AMPH: variants seen among roughly 807,000 people sequenced by gnomAD.
AMPH encodes amphiphysin.
Under a neutral mutation model 99.1 loss-of-function variants are expected in AMPH, and 49 were observed. That is an observed-to-expected ratio of 0.49 (90% CI 0.39 to 0.63). The LOEUF is 0.63. Ranked by LOEUF, AMPH falls within the 20% of genes least tolerant of loss-of-function variation. The pLI, the probability that AMPH is intolerant of heterozygous loss-of-function variation, is 0.00. For missense variants in AMPH, 759 were observed against 863.4 expected (o/e 0.88, Z 1.52); for synonymous variants, 314 against 317.3 (o/e 0.99, Z 0.11).
At chr7:38,398,598 A>G (rs369691615) in intron 17 of AMPH, among the ~76,000 whole-genome samples, 5 of 152,348 alleles carry the variant, frequency 3.3e-5, no homozygotes, top group African/African-American at 9.6e-5. Flanking sequence ...CAATAATTAG[A>G]AAGAATAAAT....
chr7:38,571,202 T>G (rs1178142724), intron 1 of AMPH, among the ~76,000 whole-genome samples: 1 of 97,178 alleles, frequency 1.0e-5, no homozygotes, highest in African/African-American at 4.3e-5. Flanking sequence ...TATTTATATA[T>G]AATTATTTAT....
intron 16 of AMPH, among the ~76,000 whole-genome samples, chr7:38,421,900 G>A (rs1785592276): frequency 6.6e-6 from 1 of 152,136 alleles, no homozygotes. Context: ...CTAACGCCAG[G>A]AGTAACTATT....
intron 17 of AMPH, among the ~76,000 whole-genome samples, chr7:38,401,534 G>C (rs1784840375): frequency 6.6e-6 from 1 of 152,144 alleles, no homozygotes. Context: ...ATGTCTTTCT[G>C]CTGCTTTCCT....
At chr7:38,464,231 G>T in intron 9 of AMPH, 1 of 832,594 alleles carries the variant, frequency 1.2e-6, no homozygotes, top group Non-Finnish European at 1.7e-6. Context: ...CCATGTAAGG[G>T]AACAACCCTA....
chr7:38,544,679 C>T (rs1790930516), intron 1 of AMPH, among the ~76,000 whole-genome samples: 2 of 152,328 alleles, frequency 1.3e-5, no homozygotes, highest in South Asian at 4.1e-4. Flanking sequence ...GCTGGATAAA[C>T]TTTGCAAAAT....
At chr7:38,527,772 T>C (rs1373249199) in intron 2 of AMPH, among the ~76,000 whole-genome samples, 4 of 152,224 alleles carry the variant, frequency 2.6e-5, no homozygotes, top group African/African-American at 7.2e-5. Context: ...CTTCCACTTC[T>C]ACATTGCATA....
At chr7:38,411,265 C>T (rs1004347307) in intron 17 of AMPH, among the ~76,000 whole-genome samples, 3 of 152,196 alleles carry the variant, frequency 2.0e-5, no homozygotes, top group Admixed American at 6.5e-5. Flanking sequence ...TCTCTTATCA[C>T]AGTATGGCCT....
intron 1 of AMPH, among the ~76,000 whole-genome samples, chr7:38,602,486 C>G (rs1010660465): frequency 1.3e-5 from 2 of 152,170 alleles, no homozygotes; most frequent in African/African-American, 2.4e-5. Context: ...GAAGGCTGCC[C>G]ATATTCCTTG....
chr7:38,622,883 G>A (rs1794121202), intron 1 of AMPH, among the ~76,000 whole-genome samples: 1 of 152,178 alleles, frequency 6.6e-6, no homozygotes, highest in African/African-American at 2.4e-5. Context: ...ACCCAGGAGA[G>A]AGAGGCTTCC....
At chr7:38,607,718 A>G (rs1263181136) in intron 1 of AMPH, among the ~76,000 whole-genome samples, 2 of 152,202 alleles carry the variant, frequency 1.3e-5, no homozygotes, top group African/African-American at 2.4e-5. Context: ...TCCAGATGCT[A>G]TAAGGATGAA....
chr7:38,612,021 A>C (rs1793696918), intron 1 of AMPH, among the ~76,000 whole-genome samples: 1 of 150,622 alleles, frequency 6.6e-6, no homozygotes, highest in Non-Finnish European at 1.5e-5. Context: ...CTGATTGCTC[A>C]CTTCTGTTCC....
At chr7:38,418,905 C>G (rs1275336806) in intron 16 of AMPH, among the ~76,000 whole-genome samples, 3 of 152,000 alleles carry the variant, frequency 2.0e-5, no homozygotes, top group African/African-American at 7.3e-5. Context: ...TATAAACTAA[C>G]AGCAAGCCAT....
At chr7:38,477,623 G>T (rs180937020) in intron 5 of AMPH, among the ~76,000 whole-genome samples, 92 of 152,298 alleles carry the variant, frequency 6.0e-4, no homozygotes, top group Middle Eastern at 3.4e-3. Context: ...GGATGAGAAT[G>T]AGGTGATATA....
intron 1 of AMPH, among the ~76,000 whole-genome samples, chr7:38,630,606 C>A (rs1247968932): frequency 2.0e-5 from 3 of 152,198 alleles, no homozygotes; most frequent in Non-Finnish European, 2.9e-5. Context: ...TTTTGACCTT[C>A]TAAAGAAGGA....
chr7:38,481,189 T>C (rs1788270358), intron 5 of AMPH, among the ~76,000 whole-genome samples: 1 of 152,162 alleles, frequency 6.6e-6, no homozygotes, highest in South Asian at 2.1e-4. Context: ...ATCTGATATT[T>C]GGGAAACTTG....
intron 1 of AMPH, among the ~76,000 whole-genome samples, chr7:38,537,976 C>T (rs1391017994): frequency 6.6e-6 from 1 of 152,188 alleles, no homozygotes; most frequent in Non-Finnish European, 1.5e-5. Context: ...CTGGAAGGAC[C>T]ATCAGAGTAA....
intron 11 of AMPH, among the ~76,000 whole-genome samples, chr7:38,449,263 G>T (rs1314638804): frequency 6.6e-6 from 1 of 152,160 alleles, no homozygotes; most frequent in Non-Finnish European, 1.5e-5. Context: ...TTTACTGAAT[G>T]CCCGGTACTG....
intron 1 of AMPH, among the ~76,000 whole-genome samples, chr7:38,568,126 CCTT>C (rs1419409110): frequency 6.6e-6 from 1 of 152,126 alleles, no homozygotes; most frequent in African/African-American, 2.4e-5. Context: ...ACCAATTTTT[CCTT>C]ATTACTGTTG....
At chr7:38,424,105 T>C (rs2128990057) in intron 15 of AMPH, among the ~76,000 whole-genome samples, 1 of 152,306 alleles carries the variant, frequency 6.6e-6, no homozygotes, top group African/African-American at 2.4e-5. Flanking sequence ...CTGGGAAATC[T>C]GGCCAGCCCA....
Sources: allele counts gnomAD v4.1 joint callset (sites outside exome capture counted in the v4.1 genomes callset), GRCh38; gene constraint gnomAD v4.1.1; transcripts MANE v1.5; gene names NCBI Gene and HGNC (gene_info 2026-07-23, HGNC 2026-07-21).